ETFA: variants seen among roughly 807,000 people sequenced by gnomAD.
ETFA encodes the protein electron transfer flavoprotein subunit alpha, mitochondrial.
In ETFA, 22 loss-of-function variants were observed where a neutral mutation model predicts 46.2. The observed-to-expected ratio is 0.48, with a 90% CI of 0.34 to 0.68. The LOEUF (loss-of-function observed/expected upper bound fraction) is 0.68. Among genes scored for constraint, ETFA ranks in the 30% least tolerant of loss-of-function variants. The probability of loss-of-function intolerance (pLI) is 0.01; values close to 1 mark genes in which losing one functional copy is unlikely to be tolerated. For missense variants in ETFA, 345 were observed against 401.1 expected, an observed-to-expected ratio of 0.86 and a Z score of 1.19; for synonymous variants, 131 against 139.9, an observed-to-expected ratio of 0.94 and a Z score of 0.45.
At chr15:76,278,984 C>G (rs1247568926) in intron 8 of ETFA, among the ~76,000 whole-genome samples, 1 of 152,164 alleles carries the variant, frequency 6.6e-6, no homozygotes. Context: ...CTACTTTTCC[C>G]TCTCTACTGG....
In ETFA at chr15:76,285,678, T is replaced by C. The variant is rs771713240; in HGVS notation, c.623A>G (p.Asp208Gly). The C allele has an allele frequency of 5.6e-6, 9 of 1,612,838 alleles. No homozygotes were observed. The part of the protein sequence containing the change: ...EWLDQKLTKS[D>G]RPELTGAKVV... ...TTTGGCACCTGTTAGCTCTGGTCGATCACTTTTTGTTAATTTCTGGTCAAG... is the reference window on the plus strand; with the variant it reads ...TTTGGCACCTGTTAGCTCTGGTCGACCACTTTTTGTTAATTTCTGGTCAAG... The change falls in exon 7 of 12, where the codon GAT becomes GGT. Residue 208 changes from aspartate (D) to glycine (G), a missense_variant. Physicochemically the swap from Asp to Gly is moderately conservative, Grantham distance 94 (BLOSUM62 -1). Transcript: ENST00000557943.
intron 11 of ETFA, among the ~76,000 whole-genome samples, chr15:76,224,829 A>T (rs2038988930): frequency 6.6e-6 from 1 of 152,206 alleles, no homozygotes; most frequent in Non-Finnish European, 1.5e-5. Flanking sequence ...ACCCAGGAAA[A>T]AGAAGAGACC....
chr15:76,280,752 T>A (rs1041271560), intron 8 of ETFA, among the ~76,000 whole-genome samples: 1 of 152,148 alleles, frequency 6.6e-6, no homozygotes, highest in Non-Finnish European at 1.5e-5. Flanking sequence ...TCTTTTGCAC[T>A]TTCCATTCCA....
intron 8 of ETFA, among the ~76,000 whole-genome samples, chr15:76,277,479 T>C (rs1030113608): frequency 8.0e-6 from 1 of 124,236 alleles, no homozygotes. Context: ...TGGATACCCC[T>C]GGAGTTTTTT....
At position 76,224,392 on chromosome 15, in the gene ETFA, G is replaced by A. The variant is rs529711837; in HGVS notation, c.963+1457C>T. 4.6e-5 allele frequency among the ~76,000 whole-genome samples: 7 copies of A among 152,286 alleles called. No homozygotes were observed. In the East Asian group the frequency reaches 7.7e-4, roughly 17 times the overall value. Reference sequence around the variant, plus strand: ...CAAGCCAAAATCTAAGCTCTTTGGCGGGGGCCTTCTGAGGGGAAGTATGCC... The same window carrying A: ...CAAGCCAAAATCTAAGCTCTTTGGCAGGGGCCTTCTGAGGGGAAGTATGCC... On this transcript the variant is annotated intron_variant, in intron 11 of 11. Coordinates refer to ENST00000557943, the MANE Select transcript of ETFA (RefSeq NM_000126.4).
intron 1 of ETFA, among the ~76,000 whole-genome samples, chr15:76,305,565 A>C (rs930798797): frequency 5.9e-5 from 9 of 152,194 alleles, no homozygotes; most frequent in Non-Finnish European, 1.0e-4. Context: ...TTTCTTTCTC[A>C]TGCCAGCCAC....
At chr15:76,240,933 A>G (rs1215988074) in intron 9 of ETFA, among the ~76,000 whole-genome samples, 3 of 151,056 alleles carry the variant, frequency 2.0e-5, no homozygotes, top group Non-Finnish European at 4.4e-5. Context: ...TAATAATAAT[A>G]AATTAAATAT....
At position 76,286,376 on chromosome 15, in the gene ETFA, T is replaced by C. The variant is rs986861899; in HGVS notation, c.557A>G (p.Glu186Gly). The change falls in exon 6 of 12, where the codon GAA becomes GGA. Residue 186 changes from glutamate to glycine, a missense_variant. Glu to Gly is a moderately conservative substitution (Grantham distance 98, BLOSUM62 -2). Transcript: ENST00000557943. ...AACTCCAAATGAACACTCACCCTTTTCTGAACTGGCACTACCGCCACTTGT... is the reference window on the plus strand; with the variant it reads ...AACTCCAAATGAACACTCACCCTTTCCTGAACTGGCACTACCGCCACTTGT... The part of the protein sequence containing the change: ...AATSGGSASS[E>G]KASSTSPVEI... The C allele has an allele frequency of 3.7e-6, 6 of 1,601,962 alleles. No individual in the cohort carries two copies. In the African/African-American group the frequency reaches 8.0e-5, roughly 21 times the overall value.
At chr15:76,217,780 A>G in intron 11 of ETFA, 1 of 331,350 alleles carries the variant, frequency 3.0e-6, no homozygotes, top group Non-Finnish European at 6.2e-6. Context: ...CTTAGCTCAC[A>G]AAGATTCCAG....
chr15:76,288,016 CAT>C (rs1163424530), intron 4 of ETFA, 71 bp from the exon 5 acceptor site: 3 of 977,350 alleles, frequency 3.1e-6, no homozygotes, highest in African/African-American at 1.6e-5. Flanking sequence ...TCAGTAATGA[CAT>C]ATTCTAAATG....
At chr15:76,271,478 C>G (rs1567210851) in intron 9 of ETFA, among the ~76,000 whole-genome samples, 1 of 152,138 alleles carries the variant, frequency 6.6e-6, no homozygotes, top group African/African-American at 2.4e-5. Flanking sequence ...GTAATCTTCA[C>G]AATTCCCTCA....
chr15:76,219,681 C>T (rs2038939091), intron 11 of ETFA, among the ~76,000 whole-genome samples: 1 of 152,216 alleles, frequency 6.6e-6, no homozygotes. Flanking sequence ...AAACACTTCC[C>T]TAAAAGAGAT....
chr15:76,252,729 T>A (rs2141483997), intron 9 of ETFA, among the ~76,000 whole-genome samples: 1 of 152,276 alleles, frequency 6.6e-6, no homozygotes, highest in East Asian at 1.9e-4. Flanking sequence ...AATCAGAATA[T>A]GAACTGACAA....
chr15:76,280,932 T>G (rs1382444964), intron 8 of ETFA, among the ~76,000 whole-genome samples: 1 of 149,388 alleles, frequency 6.7e-6, no homozygotes, highest in African/African-American at 2.5e-5. Context: ...TTTTTTTTTT[T>G]TTTTTCAGAC....
chr15:76,268,206 A>G (rs2039492509), intron 9 of ETFA, among the ~76,000 whole-genome samples: 1 of 148,688 alleles, frequency 6.7e-6, no homozygotes, highest in Non-Finnish European at 1.5e-5. Flanking sequence ...AAAAAAAAAA[A>G]GCCTTTGCTT....
intron 10 of ETFA, among the ~76,000 whole-genome samples, chr15:76,227,530 G>C (rs748685044): frequency 2.2e-5 from 1 of 44,984 alleles, no homozygotes; most frequent in Non-Finnish European, 4.9e-5. Context: ...AAAAAAAAAG[G>C]AAAAGCTATC....
chr15:76,272,732 G>C (rs977663959), intron 9 of ETFA, among the ~76,000 whole-genome samples: 1 of 151,430 alleles, frequency 6.6e-6, no homozygotes. Context: ...AGAGGCTGTG[G>C]TGTGTTATGA....
chr15:76,256,636 CTA>C (rs921116740), intron 9 of ETFA, among the ~76,000 whole-genome samples: 7 of 152,194 alleles, frequency 4.6e-5, no homozygotes, highest in African/African-American at 1.7e-4. Flanking sequence ...GTACCGATGA[CTA>C]TGAGCTTTGA....
intron 8 of ETFA, among the ~76,000 whole-genome samples, chr15:76,276,957 ACTGT>A (rs1366311374): frequency 1.3e-5 from 2 of 152,152 alleles, no homozygotes; most frequent in Admixed American, 6.5e-5. Context: ...GTCTCTTCAA[ACTGT>A]CTTTTACCTT....
Sources: allele counts gnomAD v4.1 joint callset (sites outside exome capture counted in the v4.1 genomes callset), GRCh38; gene constraint gnomAD v4.1.1; transcripts MANE v1.5; gene names NCBI Gene and HGNC (gene_info 2026-07-23, HGNC 2026-07-21).